The following CGNL1 variants were observed in gnomAD, a reference collection of about 807,000 sequenced individuals.
CGNL1 encodes the protein cingulin-like protein 1.
CGNL1 carries 132 observed loss-of-function variants against 141.2 expected under a neutral mutation model. That is an observed-to-expected ratio of 0.93 (90% CI 0.81 to 1.08). CGNL1 has a LOEUF of 1.08. CGNL1 is among the 50% of genes least tolerant of loss of function. The pLI is 0.00. For synonymous variants in CGNL1, 690 were observed against 622.1 expected (o/e 1.11, Z -1.63); for missense variants, 1,870 against 1,588.6 (o/e 1.18, Z -3.01).
At chr15:57,449,777 T>G (rs2152319263) in intron 4 of CGNL1, among the ~76,000 whole-genome samples, 1 of 152,354 alleles carries the variant, frequency 6.6e-6, no homozygotes, top group South Asian at 2.1e-4. Context: ...TCCAAGGTTT[T>G]ATTTTTTCTG....
In CGNL1 at chr15:57,452,134, C is replaced by T; in HGVS notation, c.1906-7C>T. ...AGGCTCTTTAAAATCACACTGATTC[C>T]TGTTAGAATCAACAGAACATTAAAG... On this transcript the variant is annotated splice_region_variant and splice_polypyrimidine_tract_variant and intron_variant, in intron 5 of 18. Coordinates refer to ENST00000281282, the MANE Select transcript of CGNL1 (RefSeq NM_032866.5). The T allele has an allele frequency of 1.2e-6, 2 of 1,610,332 alleles. No individual in the cohort carries two copies.
At chr15:57,461,147 G>T (rs936948657) in intron 7 of CGNL1, among the ~76,000 whole-genome samples, 5 of 152,166 alleles carry the variant, frequency 3.3e-5, no homozygotes, top group African/African-American at 1.2e-4. Context: ...TTAATACCTG[G>T]CAGTTAAGAA....
Position 57,517,119 on chromosome 15 carries a change from C to A in CGNL1, c.2610+133C>A, listed in dbSNP as rs898835882. 8 of 840,444 alleles carry A rather than the reference C, an allele frequency of 9.5e-6. No homozygotes were observed. In the African/African-American group the frequency reaches 1.0e-4, roughly 11 times the overall value. The allele number at this position is 840,444 out of a possible 1,614,324, so 52.1% of individuals were successfully genotyped here. Reference sequence around the variant, plus strand: ...AAGGTCAAGGCAATAGTGAATACATCCTCTCTGCAAGCCATTTCTTTGTTC... The same window carrying A: ...AAGGTCAAGGCAATAGTGAATACATACTCTCTGCAAGCCATTTCTTTGTTC... On this transcript the variant is annotated intron_variant, in intron 9 of 18. Transcript: ENST00000281282.
chr15:57,506,525 C>T (rs1353585072), intron 8 of CGNL1, among the ~76,000 whole-genome samples: 1 of 152,152 alleles, frequency 6.6e-6, no homozygotes, highest in Non-Finnish European at 1.5e-5. Context: ...CATAGAAGCC[C>T]CTGAAATGCA....
intron 8 of CGNL1, among the ~76,000 whole-genome samples, chr15:57,504,636 C>T (rs2064075367): frequency 6.6e-6 from 1 of 152,126 alleles, no homozygotes; most frequent in South Asian, 2.1e-4. Flanking sequence ...TTGCTTTGTT[C>T]CTGAGTCCCC....
intron 1 of CGNL1, among the ~76,000 whole-genome samples, chr15:57,420,009 A>G (rs1320215688): frequency 6.6e-6 from 1 of 152,208 alleles, no homozygotes; most frequent in Non-Finnish European, 1.5e-5. Flanking sequence ...GTTATCCAAC[A>G]CTATTTTTTG....
chr15:57,513,663 G>A (rs1421383866), intron 8 of CGNL1, among the ~76,000 whole-genome samples: 3 of 152,040 alleles, frequency 2.0e-5, no homozygotes, highest in Non-Finnish European at 1.5e-5. Flanking sequence ...TGGGATTACA[G>A]GCACCTGCTA....
intron 12 of CGNL1, among the ~76,000 whole-genome samples, chr15:57,526,778 A>T (rs1480721685): frequency 6.6e-6 from 1 of 152,166 alleles, no homozygotes; most frequent in East Asian, 1.9e-4. Flanking sequence ...GCCCTCGTCA[A>T]GGACTCTGAG....
intron 8 of CGNL1, among the ~76,000 whole-genome samples, chr15:57,501,545 G>A (rs2064024948): frequency 6.6e-6 from 1 of 152,234 alleles, no homozygotes; most frequent in African/African-American, 2.4e-5. Context: ...AGCCTGGCAT[G>A]GGATGGGCTG....
At chr15:57,424,205 C>T (rs1466875441) in intron 1 of CGNL1, among the ~76,000 whole-genome samples, 2 of 152,210 alleles carry the variant, frequency 1.3e-5, no homozygotes, top group Non-Finnish European at 1.5e-5. Flanking sequence ...TTTCTCCTTC[C>T]TGAGCTCTAA....
At chr15:57,464,807 T>A (rs1341425962) in intron 8 of CGNL1, among the ~76,000 whole-genome samples, 3 of 151,258 alleles carry the variant, frequency 2.0e-5, no homozygotes, top group Non-Finnish European at 4.4e-5. Context: ...TGGAGTACAA[T>A]GGCACAGTCT....
chr15:57,403,772 G>A (rs527440861), intron 1 of CGNL1, among the ~76,000 whole-genome samples: 44 of 152,330 alleles, frequency 2.9e-4, no homozygotes, highest in African/African-American at 9.1e-4. Context: ...GAAACATCCC[G>A]AGGGAGTGTC....
At chr15:57,500,932 A>G (rs1441311171) in intron 8 of CGNL1, among the ~76,000 whole-genome samples, 1 of 152,238 alleles carries the variant, frequency 6.6e-6, no homozygotes, top group African/African-American at 2.4e-5. Context: ...TTCTCAGGCC[A>G]GCTAACAATA....
At chr15:57,456,141 C>A (rs1595723043) in intron 7 of CGNL1, among the ~76,000 whole-genome samples, 1 of 152,188 alleles carries the variant, frequency 6.6e-6, no homozygotes, top group Admixed American at 6.5e-5. Context: ...GTCTCCTTGT[C>A]ACTTTCAATT....
intron 8 of CGNL1, among the ~76,000 whole-genome samples, chr15:57,487,049 T>G (rs2063794628): frequency 1.3e-5 from 2 of 152,202 alleles, no homozygotes; most frequent in South Asian, 4.1e-4. Flanking sequence ...CTGATGCAAA[T>G]GAAGCTTCTA....
chr15:57,484,261 A>T (rs896521936), intron 8 of CGNL1, among the ~76,000 whole-genome samples: 8 of 152,202 alleles, frequency 5.3e-5, no homozygotes, highest in Admixed American at 2.0e-4. Flanking sequence ...GGAGTTTTAA[A>T]ATATGAATTC....
intron 10 of CGNL1, among the ~76,000 whole-genome samples, chr15:57,520,122 G>A (rs1033459842): frequency 7.2e-5 from 11 of 152,220 alleles, no homozygotes; most frequent in African/African-American, 9.7e-5. Flanking sequence ...GTGTGTGGCC[G>A]TGTTAGCCAC....
intron 1 of CGNL1, among the ~76,000 whole-genome samples, chr15:57,419,997 G>T (rs2062895442): frequency 6.6e-6 from 1 of 152,158 alleles, no homozygotes; most frequent in Admixed American, 6.5e-5. Flanking sequence ...TTTATACTTT[G>T]AGTTATCCAA....
rs538796501 is a variant in CGNL1 at position 57,464,229 on chromosome 15, C to A, written c.2403+2337C>A. Among the ~76,000 whole-genome samples the A allele has an allele frequency of 2.6e-5, 4 of 152,154 alleles. No individual in the cohort carries two copies. In the South Asian group the frequency reaches 8.3e-4, roughly 32 times the overall value. On this transcript the variant is annotated intron_variant, in intron 8 of 18. Coordinates refer to ENST00000281282, the MANE Select transcript of CGNL1 (RefSeq NM_032866.5). ...CTGGAGGGCATGTCCTTTGCTGGAG[C>A]GGTCAGTGGCTTCTCTGCTCCAGCT...
Sources: allele counts gnomAD v4.1 joint callset (sites outside exome capture counted in the v4.1 genomes callset), GRCh38; gene constraint gnomAD v4.1.1; transcripts MANE v1.5; gene names NCBI Gene and HGNC (gene_info 2026-07-23, HGNC 2026-07-21).